SECISBP2: variants seen among roughly 807,000 people sequenced by gnomAD.
SECISBP2 encodes the protein selenocysteine insertion sequence-binding protein 2.
SECISBP2 carries 96 observed loss-of-function variants against 98.2 expected under a neutral mutation model. That is an observed-to-expected ratio of 0.98 (90% CI 0.83 to 1.16). SECISBP2 has a LOEUF of 1.16. SECISBP2 is among the 50% of genes most tolerant of loss of function. SECISBP2 has a pLI of 0.00. For missense variants in SECISBP2, 1,046 were observed against 1,022.9 expected, an observed-to-expected ratio of 1.02 and a Z score of -0.31; for synonymous variants, 407 against 370.2, an observed-to-expected ratio of 1.10 and a Z score of -1.14.
At chr9:89,362,027 A>G, downstream of SECISBP2, 1 of 397,144 alleles carries the variant, frequency 2.5e-6, no homozygotes, top group Non-Finnish European at 4.7e-6. Context: ...GGGACGGTGT[A>G]GGATCAGCCT....
At position 89,350,739 on chromosome 9, in the gene SECISBP2, C is replaced by T. The variant is rs1399549395; in HGVS notation, c.2000C>T (p.Ala667Val). ...DRMYQKDPVKAKTKRRLVLGL... is the reference protein window; with the variant it reads ...DRMYQKDPVKVKTKRRLVLGL... ...ATGTACCAGAAAGATCCAGTCAAGGCCAAGACTAAACGTCGACTTGTGTTG... is the reference window on the plus strand; with the variant it reads ...ATGTACCAGAAAGATCCAGTCAAGGTCAAGACTAAACGTCGACTTGTGTTG... Residue 667 changes from alanine (A) to valine (V), a missense_variant, in exon 14 of 17, where the codon GCC becomes GTC. Physicochemically the swap from Ala to Val is moderately conservative, Grantham distance 64. Transcript: ENST00000375807. 1.9e-6 allele frequency: 3 copies of T among 1,614,062 alleles called. No homozygotes were observed. Among genetic ancestry groups the T allele is most frequent in the Non-Finnish European group, 2.5e-6 (3 of 1,180,026 alleles).
Position 89,334,564 on chromosome 9 carries a change from T to C in SECISBP2, c.923T>C (p.Leu308Ser). Residue 308 changes from leucine (L) to serine (S), a missense_variant, in exon 7 of 17, where the codon TTA becomes TCA. By Grantham distance (145) the Leu-to-Ser change is moderately radical (BLOSUM62 -2). Transcript: ENST00000375807. ...TPMGYVVRQT[L>S]STELSAAPKN... is the part of the protein sequence containing the mutation. ...ATGGGTTATGTTGTTCGACAGACATTATCTACAGAACTGTCAGCAGCCCCT... is the reference window on the plus strand; with the variant it reads ...ATGGGTTATGTTGTTCGACAGACATCATCTACAGAACTGTCAGCAGCCCCT... 1.2e-6 allele frequency: 2 copies of C among 1,614,234 alleles called. No homozygotes were observed. The highest frequency in any genetic ancestry group is 1.7e-6 in the Non-Finnish European group (2 of 1,180,044).
chr9:89,362,192 A>G, downstream of SECISBP2: 2 of 711,152 alleles, frequency 2.8e-6, no homozygotes, highest in South Asian at 1.8e-5. Flanking sequence ...TTTAAGTCTT[A>G]GTTCCTGTCA....
downstream of SECISBP2, among the ~76,000 whole-genome samples, chr9:89,360,202 G>A (rs1832658068): frequency 6.6e-6 from 1 of 152,190 alleles, no homozygotes; most frequent in African/African-American, 2.4e-5. Context: ...CAGGCCATCA[G>A]TAGTCCCAAG....
chr9:89,362,263 C>T, downstream of SECISBP2: 2 of 1,456,572 alleles, frequency 1.4e-6, no homozygotes, highest in East Asian at 2.3e-5. Context: ...GGTGGTGGCC[C>T]AATGGCTGTG....
chr9:89,335,235 G>C (rs1828457574), intron 7 of SECISBP2, among the ~76,000 whole-genome samples: 1 of 151,242 alleles, frequency 6.6e-6, no homozygotes, highest in Admixed American at 6.6e-5. Context: ...AAAAAGTTAA[G>C]ATGGTATGTT....
chr9:89,338,701 G>A lies in SECISBP2; in HGVS notation c.1212+121G>A, dbSNP rs909561685. The A allele has an allele frequency of 3.7e-6, 4 of 1,075,744 alleles. No individual in the cohort carries two copies. The African/African-American group carries it at 4.8e-5, about 13-fold the overall frequency. The allele number at this position is 1,075,744 out of a possible 1,614,324, so 66.6% of individuals were successfully genotyped here. On this transcript the variant is annotated intron_variant, in intron 8 of 16. Coordinates refer to ENST00000375807, the MANE Select transcript of SECISBP2 (RefSeq NM_024077.5). Reference sequence around the variant, plus strand: ...CCAGGGCTTTTTAATGATCATTTTTGTAGTGCTAAAGAAAACAGTAGCCAC... The same window carrying A: ...CCAGGGCTTTTTAATGATCATTTTTATAGTGCTAAAGAAAACAGTAGCCAC...
intron 10 of SECISBP2, among the ~76,000 whole-genome samples, chr9:89,342,134 G>C (rs865970374): frequency 3.9e-5 from 6 of 152,152 alleles, no homozygotes; most frequent in African/African-American, 1.4e-4. Context: ...GACTGGAAAA[G>C]ACATTTCTCC....
At chr9:89,342,573 T>C (rs1196714445) in intron 10 of SECISBP2, among the ~76,000 whole-genome samples, 1 of 152,202 alleles carries the variant, frequency 6.6e-6, no homozygotes, top group Admixed American at 6.5e-5. Flanking sequence ...ACCTACACAA[T>C]GTAATATGCA....
chr9:89,325,783 T>C, intron 3 of SECISBP2, 107 bp downstream of exon 3: 1 of 1,594,792 alleles, frequency 6.3e-7, no homozygotes, highest in Non-Finnish European at 8.6e-7. Context: ...ATGTATTTTT[T>C]TGTATTTAAC....
chr9:89,362,559 CCT>C, downstream of SECISBP2: 1 of 1,513,756 alleles, frequency 6.6e-7, no homozygotes, highest in South Asian at 1.1e-5. Context: ...TGGTTCCCCT[CCT>C]TGGAGTCTAA....
downstream of SECISBP2, chr9:89,363,959 AC>A: frequency 6.2e-7 from 1 of 1,614,072 alleles, no homozygotes; most frequent in Non-Finnish European, 8.5e-7. Flanking sequence ...ACCTGGGGAC[AC>A]AGACCGTTTC....
intron 10 of SECISBP2, among the ~76,000 whole-genome samples, chr9:89,345,122 T>C (rs1830234262): frequency 2.0e-5 from 3 of 152,238 alleles, no homozygotes; most frequent in Admixed American, 2.0e-4. Context: ...TTTTGCTGAA[T>C]GTAAAATTCT....
rs1831138229 is a variant in SECISBP2, at chr9:89,350,636, T to C, written c.1897T>C (p.Cys633Arg). 1 of 1,613,772 alleles carries C rather than the reference T, an allele frequency of 6.2e-7. No individual in the cohort carries two copies. The highest frequency in any genetic ancestry group is 8.5e-7 in the Non-Finnish European group (1 of 1,179,770). ...KIHSRRFRDYCSQMLSKEVDA... is the reference protein window; with the variant it reads ...KIHSRRFRDYRSQMLSKEVDA... Reference sequence around the variant, plus strand: ...GATGTCTGATGTTTCTTTCAGTTACTGCAGCCAGATGCTTAGTAAAGAAGT... The same window carrying C: ...GATGTCTGATGTTTCTTTCAGTTACCGCAGCCAGATGCTTAGTAAAGAAGT... The change falls in exon 14 of 17, where the codon TGC becomes CGC. Residue 633 changes from cysteine to arginine, a missense_variant. By Grantham distance (180) the Cys-to-Arg change is radical. Transcript: ENST00000375807.
intron 5 of SECISBP2, among the ~76,000 whole-genome samples, chr9:89,331,220 C>G (rs1200845761): frequency 6.6e-6 from 1 of 152,086 alleles, no homozygotes; most frequent in Non-Finnish European, 1.5e-5. Flanking sequence ...TTGTTTAAAA[C>G]TTTGTTCGTA....
intron 5 of SECISBP2, 61 bp from the exon 6 acceptor site, chr9:89,332,847 G>A (rs1184521337): frequency 7.7e-7 from 1 of 1,293,636 alleles, no homozygotes; most frequent in Non-Finnish European, 1.1e-6. Flanking sequence ...TTGATATGTA[G>A]TGTTATCTCC....
chr9:89,364,867 C>T, the SECISBP2 span: 1 of 149,896 alleles, frequency 6.7e-6, no homozygotes, highest in African/African-American at 2.5e-5. Context: ...TCTGCGCGGC[C>T]AACCCTGAGG....
intron 12 of SECISBP2, 28 bp from the exon 13 acceptor site, chr9:89,349,748 T>G: frequency 6.2e-7 from 1 of 1,613,860 alleles, no homozygotes; most frequent in Non-Finnish European, 8.5e-7. Context: ...CTCACAGATA[T>G]CTGATGATGC....
chr9:89,319,825 A>G (rs1236000936), intron 2 of SECISBP2, 28 bp downstream of exon 2: 5 of 1,611,388 alleles, frequency 3.1e-6, no homozygotes, highest in East Asian at 2.2e-5. Context: ...AGTCTTACCT[A>G]GGGGCTTACA....
Sources: gnomAD v4.1 joint callset for allele counts (sites outside exome capture counted in the v4.1 genomes callset) on GRCh38, gnomAD v4.1.1 for gene constraint, MANE v1.5 for transcripts, NCBI Gene and HGNC (gene_info 2026-07-23, HGNC 2026-07-21) for gene names.